Variants in DLGAP1 observed in about 807,000 individuals in gnomAD.
The protein encoded by DLGAP1 is DLG associated protein 1.
In DLGAP1, 11 loss-of-function variants were observed where a neutral mutation model predicts 90.8. The ratio of observed to expected loss-of-function variants is 0.12; its 90% CI spans 0.08 to 0.20. The LOEUF (loss-of-function observed/expected upper bound fraction) is 0.20, where lower values mean the gene tolerates loss of function less well. Among genes scored for constraint, DLGAP1 ranks in the 10% least tolerant of loss-of-function variants. DLGAP1 has a pLI of 1.00. For synonymous variants in DLGAP1, 558 were observed against 540.7 expected, an observed-to-expected ratio of 1.03 and a Z score of -0.44; for missense variants, 1,050 against 1,333.8, an observed-to-expected ratio of 0.79 and a Z score of 3.31.
intron 3 of DLGAP1, among the ~76,000 whole-genome samples, chr18:3,910,203 T>C (rs1407811957): frequency 1.3e-5 from 2 of 151,704 alleles, no homozygotes; most frequent in South Asian, 2.1e-4. Context: ...ATTATCACAT[T>C]ATTATTCAAA....
intron 8 of DLGAP1, among the ~76,000 whole-genome samples, chr18:3,568,890 G>A (rs145837524): frequency 0.029 from 4,351 of 151,970 alleles, 187 homozygotes; most frequent in African/African-American, 0.096. Context: ...GTTTCACTGT[G>A]TTAGCCAGGA....
intron 2 of DLGAP1, among the ~76,000 whole-genome samples, chr18:4,069,609 C>T (rs1410703999): frequency 3.3e-5 from 5 of 152,184 alleles, no homozygotes; most frequent in Non-Finnish European, 5.9e-5. Context: ...TGCTCTTGCT[C>T]TGGCCATGTG....
At chr18:4,216,173 A>G (rs1045791428) in intron 1 of DLGAP1, among the ~76,000 whole-genome samples, 3 of 152,062 alleles carry the variant, frequency 2.0e-5, no homozygotes, top group African/African-American at 7.2e-5. Flanking sequence ...CATGGCAGCA[A>G]CAAGGAGAAG....
Position 3,531,185 on chromosome 18 carries a change from T to C in DLGAP1, c.2479+3009A>G, listed in dbSNP as rs972913032. Among the ~76,000 whole-genome samples the C allele has an allele frequency of 5.9e-5, 9 of 152,218 alleles. No individual in the cohort carries two copies. The Middle Eastern group carries it at 0.014, about 230-fold the overall frequency. On this transcript the variant is annotated intron_variant, in intron 10 of 12. Transcript: ENST00000315677. ...GGCGCTGTGGCTCACCCCTGTAATC[T>C]CAGCACTTTGGGAGGCCGAGACGGG...
intron 1 of DLGAP1, among the ~76,000 whole-genome samples, chr18:4,405,394 A>T (rs1025772087): frequency 2.6e-5 from 4 of 152,130 alleles, no homozygotes; most frequent in Non-Finnish European, 5.9e-5. Context: ...ACTTTGAAAC[A>T]TTCATAATTA....
chr18:4,391,121 T>A lies in DLGAP1; in HGVS notation c.-267+63885A>T, dbSNP rs8087865. 5.6e-3 allele frequency among the ~76,000 whole-genome samples: 856 copies of A among 152,336 alleles called. 7 individuals are homozygous for A. The highest frequency in any genetic ancestry group is 0.02 in the African/African-American group (822 of 41,570). On this transcript the variant is annotated intron_variant, in intron 1 of 12. Coordinates refer to ENST00000315677, the MANE Select transcript of DLGAP1 (RefSeq NM_004746.4). ...ATAAACATAATCTCCCAGAAGAGCT[T>A]ATCTATGTCACAAAACAGACATATA...
intron 5 of DLGAP1, among the ~76,000 whole-genome samples, chr18:3,785,632 T>G (rs1459932420): frequency 6.6e-6 from 1 of 152,110 alleles, no homozygotes; most frequent in Non-Finnish European, 1.5e-5. Flanking sequence ...AATTTGGATT[T>G]TGAATGAACC....
chr18:4,234,633 A>G (rs549558988), intron 1 of DLGAP1, among the ~76,000 whole-genome samples: 1 of 152,320 alleles, frequency 6.6e-6, no homozygotes, highest in East Asian at 1.9e-4. Context: ...AATTATAAAA[A>G]CAATAACACT....
chr18:4,124,185 C>T (rs1248596537), intron 2 of DLGAP1, among the ~76,000 whole-genome samples: 1 of 152,124 alleles, frequency 6.6e-6, no homozygotes, highest in Non-Finnish European at 1.5e-5. Context: ...TTCCTGAGAG[C>T]TCCTGTGCCA....
intron 1 of DLGAP1, among the ~76,000 whole-genome samples, chr18:4,366,076 AGATATACTTTCAACT>A (rs2081758123): frequency 6.6e-6 from 1 of 152,098 alleles, no homozygotes; most frequent in Admixed American, 6.6e-5. Context: ...AAAATGACCG[AGATATACTTTCAACT>A]GATACAGTCA....
In DLGAP1 at chr18:4,218,826, TAC is replaced by T. The variant is rs58376566; in HGVS notation, c.-266-67541_-266-67540del. On this transcript the variant is annotated intron_variant, in intron 1 of 12. Transcript: ENST00000315677. ...GATAAAGAAAATGTGTATACATACA[TAC>T]ACACACACACACACACACACACACA... 7.4e-3 allele frequency among the ~76,000 whole-genome samples: 1,077 copies of T among 145,790 alleles called. 11 individuals are homozygous for T. Among genetic ancestry groups the T allele is most frequent in the African/African-American group, 0.024 (939 of 39,718 alleles).
rs558384516 is a variant in DLGAP1, at chr18:3,813,915, C to T, written c.1172+144G>A. On this transcript the variant is annotated intron_variant, in intron 5 of 12. Coordinates refer to ENST00000315677, the MANE Select transcript of DLGAP1 (RefSeq NM_004746.4). ...TACAAAGGGACTGGGGTACGGACGT[C>T]AGATCTAAAGTCACAATCAATGTAC... 34 of 762,074 alleles carry T rather than the reference C, an allele frequency of 4.5e-5. 1 individual carries two copies. The highest frequency in any genetic ancestry group is 8.4e-5 in the South Asian group (5 of 59,738). The allele number at this position is 762,074 out of a possible 1,614,324, so 47.2% of individuals were successfully genotyped here.
chr18:4,446,338 A>C (rs909024099), intron 1 of DLGAP1, among the ~76,000 whole-genome samples: 1 of 152,096 alleles, frequency 6.6e-6, no homozygotes, highest in Non-Finnish European at 1.5e-5. Context: ...GCATTTTAGA[A>C]AAGTAAATTT....
intron 3 of DLGAP1, among the ~76,000 whole-genome samples, chr18:3,926,447 T>C (rs1265907083): frequency 4.1e-5 from 6 of 147,632 alleles, no homozygotes; most frequent in South Asian, 2.2e-4. Context: ...CACACACACA[T>C]GCATGTATGT....
At chr18:3,500,372 G>T (rs940832232) in intron 12 of DLGAP1, among the ~76,000 whole-genome samples, 1 of 152,134 alleles carries the variant, frequency 6.6e-6, no homozygotes, top group African/African-American at 2.4e-5. Flanking sequence ...TAAAACTGAT[G>T]TTTTCATTTT....
chr18:4,325,765 A>G (rs140587281), intron 1 of DLGAP1, among the ~76,000 whole-genome samples: 6 of 152,306 alleles, frequency 3.9e-5, no homozygotes, highest in Admixed American at 2.0e-4. Context: ...GCAATGGGGA[A>G]AAGATCCTCC....
intron 2 of DLGAP1, among the ~76,000 whole-genome samples, chr18:4,010,987 C>T (rs529502760): frequency 8.2e-4 from 124 of 151,680 alleles, no homozygotes; most frequent in African/African-American, 2.7e-3. Flanking sequence ...ACCAGCCCGA[C>T]TAACATGGTG....
intron 7 of DLGAP1, among the ~76,000 whole-genome samples, chr18:3,694,512 C>T (rs948960543): frequency 1.3e-5 from 2 of 152,204 alleles, no homozygotes; most frequent in Admixed American, 6.5e-5. Context: ...AGGGTAAAAG[C>T]ATTCCTATTT....
chr18:3,578,976 C>G (rs768134961), intron 8 of DLGAP1, among the ~76,000 whole-genome samples: 6 of 152,140 alleles, frequency 3.9e-5, no homozygotes, highest in Non-Finnish European at 5.9e-5. Context: ...GATAATGTCT[C>G]AAGTAAAAAC....
Sources: gnomAD v4.1 joint callset for allele counts (sites outside exome capture counted in the v4.1 genomes callset) on GRCh38, gnomAD v4.1.1 for gene constraint, MANE v1.5 for transcripts, NCBI Gene and HGNC (gene_info 2026-07-23, HGNC 2026-07-21) for gene names.